The following IQCK variants were observed in gnomAD, a reference collection of about 807,000 sequenced individuals.
IQCK encodes IQ domain-containing protein K.
IQCK carries 29 observed loss-of-function variants against 28.1 expected under a neutral mutation model. The observed-to-expected ratio is 1.03, with a 90% CI of 0.77 to 1.41. IQCK has a LOEUF of 1.41. Among genes scored for constraint, IQCK ranks in the 40% most tolerant of loss-of-function variants. IQCK has a pLI of 0.00. For missense variants in IQCK, 359 were observed against 314.7 expected, an observed-to-expected ratio of 1.14 and a Z score of -1.07; for synonymous variants, 113 against 115.1, an observed-to-expected ratio of 0.98 and a Z score of 0.12.
At chr16:19,828,151 G>C (rs2056173556), downstream of IQCK, among the ~76,000 whole-genome samples, 1 of 151,484 alleles carries the variant, frequency 6.6e-6, no homozygotes, top group Middle Eastern at 3.2e-3. Context: ...GACCTCAAGT[G>C]ATCTGCTGCC....
chr16:19,813,716 A>C (rs1477881342), intron 7 of IQCK, among the ~76,000 whole-genome samples: 1 of 152,198 alleles, frequency 6.6e-6, no homozygotes, highest in Non-Finnish European at 1.5e-5. Flanking sequence ...GAGGAAGCTG[A>C]TAGATCTAAA....
At chr16:19,858,154 A>G (rs1483708944) in exon 10 of IQCK, 1 of 220,998 alleles carries the variant, frequency 4.5e-6, no homozygotes, top group African/African-American at 2.3e-5. Context: ...TCTCTTGGCA[A>G]AGATGTCTCT....
intron 9 of IQCK, among the ~76,000 whole-genome samples, chr16:19,840,970 C>T (rs543275670): frequency 6.6e-6 from 1 of 152,226 alleles, no homozygotes; most frequent in African/African-American, 2.4e-5. Context: ...CAAATTGTCC[C>T]TGCTTCTCTC....
chr16:19,734,030 C>T (rs1050499020), intron 3 of IQCK: 3 of 495,944 alleles, frequency 6.0e-6, no homozygotes, highest in Non-Finnish European at 1.0e-5. Context: ...TAATAAGTAA[C>T]AAAAAGCATA....
intron 1 of IQCK, among the ~76,000 whole-genome samples, chr16:19,725,115 C>T (rs765524611): frequency 2.0e-5 from 3 of 151,990 alleles, no homozygotes; most frequent in Non-Finnish European, 4.4e-5. Context: ...CATTAAATTC[C>T]CCTAATCAAT....
chr16:19,776,947 T>C (rs566288125), intron 6 of IQCK, among the ~76,000 whole-genome samples: 82 of 152,236 alleles, frequency 5.4e-4, no homozygotes, highest in Non-Finnish European at 8.7e-4. Context: ...AAAGTTTAAA[T>C]TTCTATTTTG....
chr16:19,832,278 G>C (rs1421127447), intron 9 of IQCK, among the ~76,000 whole-genome samples: 1 of 151,630 alleles, frequency 6.6e-6, no homozygotes, highest in African/African-American at 2.4e-5. Flanking sequence ...TATATCATCA[G>C]ATAAATTTAT....
intron 7 of IQCK, among the ~76,000 whole-genome samples, chr16:19,817,192 A>T (rs1189193068): frequency 6.6e-6 from 1 of 152,196 alleles, no homozygotes; most frequent in African/African-American, 2.4e-5. Context: ...TCCACACAGT[A>T]CTTTTATTTT....
chr16:19,785,490 T>C (rs2055549814), intron 6 of IQCK, among the ~76,000 whole-genome samples: 1 of 152,190 alleles, frequency 6.6e-6, no homozygotes, highest in Non-Finnish European at 1.5e-5. Context: ...AAACCCTAAC[T>C]TTCCACGCCT....
intron 9 of IQCK, among the ~76,000 whole-genome samples, chr16:19,841,064 C>T (rs2056358015): frequency 1.3e-5 from 2 of 152,174 alleles, no homozygotes. Flanking sequence ...AAGCGTCTTG[C>T]CAGTTTTCAT....
chr16:19,778,309 C>T (rs1320201509), intron 6 of IQCK, among the ~76,000 whole-genome samples: 1 of 152,124 alleles, frequency 6.6e-6, no homozygotes, highest in Non-Finnish European at 1.5e-5. Context: ...GGACTAAGCC[C>T]TTATCCTGTG....
chr16:19,784,236 T>C (rs989487861), intron 6 of IQCK, among the ~76,000 whole-genome samples: 1 of 151,814 alleles, frequency 6.6e-6, no homozygotes, highest in Non-Finnish European at 1.5e-5. Flanking sequence ...TCGAAGCAAA[T>C]GATTGTGTTT....
chr16:19,720,999 A>G (rs1051929429), intron 1 of IQCK, among the ~76,000 whole-genome samples: 1 of 151,846 alleles, frequency 6.6e-6, no homozygotes, highest in Non-Finnish European at 1.5e-5. Context: ...GCAACAAAGT[A>G]AGAATCCGTC....
At chr16:19,840,970 C>G (rs543275670) in intron 9 of IQCK, among the ~76,000 whole-genome samples, 1 of 152,344 alleles carries the variant, frequency 6.6e-6, no homozygotes, top group Non-Finnish European at 1.5e-5. Context: ...CAAATTGTCC[C>G]TGCTTCTCTC....
intron 6 of IQCK, 32 bp downstream of exon 6, chr16:19,764,144 T>C: frequency 6.6e-7 from 1 of 1,517,214 alleles, no homozygotes; most frequent in African/African-American, 1.4e-5. Context: ...GAATAATTTA[T>C]TCCTAATTTA....
chr16:19,746,153 CAAAA>C (rs1163809152), intron 4 of IQCK, among the ~76,000 whole-genome samples: 1 of 57,944 alleles, frequency 1.7e-5, no homozygotes, highest in Non-Finnish European at 3.9e-5. Context: ...GACTATGTCT[CAAAA>C]AAAAAAAAAA....
chr16:19,748,948 C>T (rs900228526), intron 4 of IQCK, among the ~76,000 whole-genome samples: 6 of 152,122 alleles, frequency 3.9e-5, no homozygotes, highest in Non-Finnish European at 7.4e-5. Flanking sequence ...TCAGCCTTCT[C>T]TTGAGAATTT....
exon 10 of IQCK, chr16:19,856,926 T>A (rs2056570239): frequency 1.1e-5 from 2 of 180,620 alleles, no homozygotes; most frequent in Non-Finnish European, 2.3e-5. Flanking sequence ...ATCCATATTC[T>A]AATTTAAGTC....
intron 4 of IQCK, among the ~76,000 whole-genome samples, chr16:19,737,034 T>C (rs920057483): frequency 1.3e-5 from 2 of 148,864 alleles, no homozygotes; most frequent in African/African-American, 5.0e-5. Flanking sequence ...TGGTGGTGCA[T>C]ACCTGTAGTC....
Sources: allele counts gnomAD v4.1 joint callset (sites outside exome capture counted in the v4.1 genomes callset), GRCh38; gene constraint gnomAD v4.1.1; transcripts MANE v1.5; gene names NCBI Gene and HGNC (gene_info 2026-07-23, HGNC 2026-07-21).